Variants in MTMR8 observed in about 807,000 individuals in gnomAD.
MTMR8 encodes phosphatidylinositol-3,5-bisphosphate 3-phosphatase MTMR8.
Under a neutral mutation model 39.3 loss-of-function variants are expected in MTMR8, and 65 were observed. The ratio of observed to expected loss-of-function variants is 1.65; its 90% confidence interval spans 1.35 to 2.03. MTMR8 has a LOEUF of 2.03. MTMR8 is among the 30% of genes most tolerant of loss of function. MTMR8 has a pLI of 0.00. For synonymous variants in MTMR8, 245 were observed against 185.2 expected, an observed-to-expected ratio of 1.32 and a Z score of -2.62; for missense variants, 777 against 538.9, an observed-to-expected ratio of 1.44 and a Z score of -4.37.
intron 1 of MTMR8, among the ~76,000 whole-genome samples, chrX:64,364,930 G>A (rs915952520): frequency 5.4e-5 from 6 of 111,608 alleles, no homozygotes; most frequent in Admixed American, 3.8e-4. Context: ...ACCCGATGGA[G>A]CTGAAAACCA....
At chrX:64,300,120 A>G (rs1921796989) in intron 12 of MTMR8, among the ~76,000 whole-genome samples, 2 of 103,240 alleles carry the variant, frequency 1.9e-5, no homozygotes, top group Non-Finnish European at 3.9e-5. Flanking sequence ...GCTGAGTTCA[A>G]TTCCTGGGTA....
chrX:64,387,620 C>T (rs1291825217), intron 1 of MTMR8, among the ~76,000 whole-genome samples: 3 of 107,794 alleles, frequency 2.8e-5, no homozygotes, highest in Non-Finnish European at 3.8e-5. Flanking sequence ...AAAGCACTAC[C>T]GGTAGTGCTT....
At chrX:64,354,753 G>T in intron 4 of MTMR8, 24 bp downstream of exon 4, 1 of 1,154,282 alleles carries the variant, frequency 8.7e-7, no homozygotes, top group Non-Finnish European at 1.2e-6. Flanking sequence ...TGCACCAAAA[G>T]GCAAACAACA....
chrX:64,372,071 C>T (rs761341744), intron 1 of MTMR8, among the ~76,000 whole-genome samples: 148 of 107,805 alleles, frequency 1.4e-3, no homozygotes, highest in African/African-American at 4.7e-3. Flanking sequence ...GGAATGAAAA[C>T]GGTAGCCTAA....
intron 1 of MTMR8, among the ~76,000 whole-genome samples, chrX:64,365,449 C>T (rs775200190): frequency 9.9e-5 from 11 of 111,654 alleles, no homozygotes; most frequent in South Asian, 3.8e-4. Context: ...GAGTAGGGGG[C>T]AATATTCAAC....
chrX:64,384,267 T>G (rs893171771), intron 1 of MTMR8, among the ~76,000 whole-genome samples: 1 of 111,891 alleles, frequency 8.9e-6, no homozygotes, highest in African/African-American at 3.2e-5. Flanking sequence ...GTTCAGAACC[T>G]GCAGCTGCTC....
chrX:64,352,848 C>A (rs888567981), intron 4 of MTMR8, among the ~76,000 whole-genome samples: 1 of 111,553 alleles, frequency 9.0e-6, no homozygotes, highest in African/African-American at 3.3e-5. Flanking sequence ...CAAACGAATT[C>A]TCCACACTAA....
intron 12 of MTMR8, among the ~76,000 whole-genome samples, chrX:64,301,908 A>T (rs911786072): frequency 5.4e-5 from 6 of 111,701 alleles, no homozygotes; most frequent in African/African-American, 1.6e-4. Context: ...CCACTTGAGG[A>T]GGTAGTCTGC....
intron 1 of MTMR8, among the ~76,000 whole-genome samples, chrX:64,368,275 A>G (rs1281115900): frequency 8.9e-6 from 1 of 111,890 alleles, no homozygotes. Flanking sequence ...GTTCATACGG[A>G]ATCAAAAAAG....
At chrX:64,344,483 G>T (rs984550265) in intron 7 of MTMR8, among the ~76,000 whole-genome samples, 1 of 110,892 alleles carries the variant, frequency 9.0e-6, no homozygotes, top group Non-Finnish European at 1.9e-5. Flanking sequence ...CCTGGGTAGT[G>T]GTTTTAGGAG....
In MTMR8 at chrX:64,268,392, G is replaced by A. The variant is rs774479220; in HGVS notation, c.*145C>T. 7 of 622,915 alleles carry A rather than the reference G, an allele frequency of 1.1e-5. No individual in the cohort carries two copies. The highest frequency in any genetic ancestry group is 1.7e-5 in the Non-Finnish European group (7 of 415,100). 51.3% of individuals were successfully genotyped at this position (622,915 alleles called of 1,213,427 possible). Reference sequence around the variant, plus strand: ...ACATATTGGTCACTTAATCAGTAAAGTAATTCCCTTCCAGACTTAAGTGGG... The same window carrying A: ...ACATATTGGTCACTTAATCAGTAAAATAATTCCCTTCCAGACTTAAGTGGG... On this transcript the variant is annotated 3_prime_UTR_variant, in exon 14 of 14. Transcript: ENST00000374852.
At chrX:64,382,420 A>G (rs970025616) in intron 1 of MTMR8, among the ~76,000 whole-genome samples, 5 of 111,608 alleles carry the variant, frequency 4.5e-5, no homozygotes, top group Non-Finnish European at 7.5e-5. Context: ...TTATTGGTGT[A>G]TAAGAATGCT....
chrX:64,393,287 G>A (rs183370740), intron 1 of MTMR8, among the ~76,000 whole-genome samples: 1 of 111,530 alleles, frequency 9.0e-6, no homozygotes, highest in African/African-American at 3.3e-5. Context: ...AGGATTCAAG[G>A]CATATTTCAG....
intron 12 of MTMR8, among the ~76,000 whole-genome samples, chrX:64,290,641 C>T (rs776142960): frequency 3.6e-5 from 4 of 111,015 alleles, no homozygotes; most frequent in African/African-American, 9.8e-5. Context: ...AGTGTGGACT[C>T]TGTCCTTAGC....
At chrX:64,363,925 C>A (rs1373527966) in intron 1 of MTMR8, among the ~76,000 whole-genome samples, 1 of 112,482 alleles carries the variant, frequency 8.9e-6, no homozygotes, top group Admixed American at 9.3e-5. Flanking sequence ...AATGGCACAC[C>A]AGGAGATTAT....
chrX:64,277,572 C>G (rs1296370155), intron 12 of MTMR8, among the ~76,000 whole-genome samples: 1 of 112,087 alleles, frequency 8.9e-6, no homozygotes, highest in South Asian at 3.8e-4. Context: ...TTGGCCCCCA[C>G]TCTCTTCTGG....
In MTMR8 at chrX:64,359,519, G is replaced by T. The variant is rs762465987; in HGVS notation, c.33C>A (p.Asn11Lys). The T allele has an allele frequency of 8.4e-7, 1 of 1,193,592 alleles. No individual in the cohort carries two copies. The highest frequency in any genetic ancestry group is 1.9e-5 in the South Asian group (1 of 53,770). MDHITVPKVE[N>K]VKLVDRYVSK... is the part of the protein sequence containing the mutation. ...TCACATAACGATCCACCAATTTCAC[G>T]TTTTCTACCTGTTATTGGAGGAAAA... Residue 11 changes from asparagine to lysine, a missense_variant, in exon 2 of 14, where the codon AAC becomes AAA. Transcript: ENST00000374852.
chrX:64,304,860 TTATATATATATATATATA>T (rs751399962), intron 12 of MTMR8, among the ~76,000 whole-genome samples: 4,019 of 28,538 alleles, frequency 0.14, 428 homozygotes, highest in African/African-American at 0.26. Context: ...GATCAAACAT[TTATATATATATATATATA>T]TATATATATA....
chrX:64,280,989 A>T (rs1419613343), intron 12 of MTMR8, among the ~76,000 whole-genome samples: 1 of 110,950 alleles, frequency 9.0e-6, no homozygotes, highest in Non-Finnish European at 1.9e-5. Flanking sequence ...TACAGCTAAC[A>T]AGGGATGTGA....
Sources: gnomAD v4.1 joint callset for allele counts (sites outside exome capture counted in the v4.1 genomes callset) on GRCh38, gnomAD v4.1.1 for gene constraint, MANE v1.5 for transcripts, NCBI Gene and HGNC (gene_info 2026-07-23, HGNC 2026-07-21) for gene names.